Variants in RNF41 observed in about 807,000 individuals in gnomAD.
The protein encoded by RNF41 is E3 ubiquitin-protein ligase NRDP1.
In RNF41, 4 loss-of-function variants were observed where a neutral mutation model predicts 33.0. That is an observed-to-expected ratio of 0.12 (90% CI 0.06 to 0.28). The LOEUF is 0.28. Ranked by LOEUF, RNF41 falls within the 10% of genes least tolerant of loss-of-function variation. The pLI is 1.00. For missense variants in RNF41, 228 were observed against 432.6 expected, an observed-to-expected ratio of 0.53 and a Z score of 4.19; for synonymous variants, 164 against 153.2, an observed-to-expected ratio of 1.07 and a Z score of -0.52.
At chr12:56,208,057 CA>C in intron 5 of RNF41, 105 bp downstream of exon 5, 1 of 1,370,524 alleles carries the variant, frequency 7.3e-7, no homozygotes, top group South Asian at 1.2e-5. Context: ...TCTAGGCTCA[CA>C]AGTGTAAGCA....
Position 56,207,162 on chromosome 12 carries a change from A to C in RNF41, c.603-364T>G. 29 of 1,320,620 alleles carry C rather than the reference A, an allele frequency of 2.2e-5. No individual in the cohort carries two copies. In the South Asian group the frequency reaches 3.5e-4, roughly 16 times the overall value. The allele number at this position is 1,320,620 out of a possible 1,614,324, so 81.8% of individuals were successfully genotyped here. A position where few individuals can be genotyped will look rare whatever the true frequency, so the allele number is the denominator to read the frequency against. ...ATTTGCCCTGTATATATTGATTCACACTTACAGTTTACTCTATGAACTGTA... is the reference window on the plus strand; with the variant it reads ...ATTTGCCCTGTATATATTGATTCACCCTTACAGTTTACTCTATGAACTGTA... On this transcript the variant is annotated intron_variant, in intron 6 of 6. Transcript: ENST00000345093.
Position 56,206,277 on chromosome 12 carries a change from G to C in RNF41, c.*170C>G. ...GGGAGGAAATCTGGGTTTCCCACCT[G>C]AAAGGCTGAGCAAACTACCCCAAGG... On this transcript the variant is annotated 3_prime_UTR_variant, in exon 7 of 7. Coordinates refer to ENST00000345093, the MANE Select transcript of RNF41 (RefSeq NM_005785.4). The surrounding 1 kb of genome is among the most constrained non-coding windows in gnomAD (Gnocchi z 5.7). 1.6e-6 allele frequency: 1 copy of C among 640,908 alleles called. No homozygotes were observed. Among genetic ancestry groups the C allele is most frequent in the South Asian group, 2.0e-5 (1 of 49,516 alleles). 39.7% of individuals were successfully genotyped at this position (640,908 alleles called of 1,614,324 possible).
At chr12:56,211,635 A>G (rs796549473) in intron 3 of RNF41, among the ~76,000 whole-genome samples, 2 of 152,236 alleles carry the variant, frequency 1.3e-5, no homozygotes, top group African/African-American at 4.8e-5. Flanking sequence ...TTCAGATGAT[A>G]GATTTAGAGA....
At chr12:56,211,041 C>A (rs1461754832) in intron 3 of RNF41, among the ~76,000 whole-genome samples, 1 of 152,096 alleles carries the variant, frequency 6.6e-6, no homozygotes, top group Non-Finnish European at 1.5e-5. Flanking sequence ...AAAAATTAGC[C>A]AGGGGTGGTG....
At position 56,206,531 on chromosome 12, in the gene RNF41, G is replaced by A. The variant is rs1351518933; in HGVS notation, c.870C>T (p.Ala290=). 6.2e-7 allele frequency: 1 copy of A among 1,614,186 alleles called. No individual in the cohort carries two copies. Among genetic ancestry groups the A allele is most frequent in the African/African-American group, 1.3e-5 (1 of 75,038 alleles). Residue 290 remains alanine, a synonymous_variant, in exon 7 of 7, where the codon GCC becomes GCT. Coordinates refer to ENST00000345093, the MANE Select transcript of RNF41 (RefSeq NM_005785.4). The surrounding 1 kb of genome is among the most constrained non-coding windows in gnomAD (Gnocchi z 5.7). The stretch of plus-strand genomic sequence containing the variant: ...CATCCCCCATGTGCTGGTTCTCACA[G>A]GCCATCACGACAACAGCCTGCTTGC... ...IPGKQAVVVM[A]CENQHMGDDM...
At chr12:56,220,460 G>A (rs1869295616) in intron 1 of RNF41, among the ~76,000 whole-genome samples, 1 of 150,226 alleles carries the variant, frequency 6.7e-6, no homozygotes, top group Admixed American at 6.7e-5. Flanking sequence ...CAGGCAATCC[G>A]CCCGCCTCGT....
chr12:56,212,600 CACT>C (rs1234789587), intron 3 of RNF41, among the ~76,000 whole-genome samples: 1 of 151,904 alleles, frequency 6.6e-6, no homozygotes, highest in Admixed American at 6.6e-5. Context: ...GACCTCTTGA[CACT>C]ACTACTTGAT....
In RNF41 at chr12:56,203,781, C is replaced by G. The variant is rs1878708111; in HGVS notation, c.*2666G>C. ...AATGCAGTGGCCCAATCTCTGCTCA[C>G]TGCAAGCTCTGCCTCCCGGGTTCAC... On this transcript the variant is annotated 3_prime_UTR_variant, in exon 7 of 7. Coordinates refer to ENST00000345093, the MANE Select transcript of RNF41 (RefSeq NM_005785.4). 1 of 147,112 alleles carries G rather than the reference C, an allele frequency of 6.8e-6. No individual in the cohort carries two copies. 9.1% of individuals were successfully genotyped at this position (147,112 alleles called of 1,614,324 possible).
At chr12:56,215,780 G>A (rs1412204029) in intron 2 of RNF41, among the ~76,000 whole-genome samples, 3 of 150,104 alleles carry the variant, frequency 2.0e-5, no homozygotes, top group East Asian at 2.0e-4. Flanking sequence ...CGGCAATGGC[G>A]CCATGCCCCT....
chr12:56,210,244 G>A (rs1868379408), intron 4 of RNF41, 53 bp downstream of exon 4: 2 of 1,585,028 alleles, frequency 1.3e-6, no homozygotes, highest in South Asian at 2.2e-5. Flanking sequence ...CAGAGACAGG[G>A]GCATAAATGA....
chr12:56,211,840 CG>C (rs1336767378), intron 3 of RNF41, among the ~76,000 whole-genome samples: 3 of 152,022 alleles, frequency 2.0e-5, no homozygotes, highest in Admixed American at 1.3e-4. Flanking sequence ...GGCGTGGTGG[CG>C]GGTGCCTGTA....
At chr12:56,210,676 G>C (rs1366270510) in intron 3 of RNF41, 108 bp from the exon 4 acceptor site, 1 of 1,085,522 alleles carries the variant, frequency 9.2e-7, no homozygotes, top group Admixed American at 2.1e-5. Context: ...CAGCCTCTAC[G>C]ACAAGAGGTC....
Position 56,207,111 on chromosome 12 carries a change from C to G in RNF41, c.603-313G>C, listed in dbSNP as rs150010375. The G allele has an allele frequency of 3.0e-5, 39 of 1,315,808 alleles. No homozygotes were observed. The East Asian group carries it at 1.4e-3, about 47-fold the overall frequency. 81.5% of individuals were successfully genotyped at this position (1,315,808 alleles called of 1,614,324 possible). A position where few individuals can be genotyped will look rare whatever the true frequency, so the allele number is the denominator to read the frequency against. ...TGTTTAGTGAATAAAACAATTATTC[C>G]TCTATCCTATGTCCCACTCAGCACT... On this transcript the variant is annotated intron_variant, in intron 6 of 6. Transcript: ENST00000345093.
chr12:56,207,108 T>A (rs1430662378), intron 6 of RNF41: 1 of 1,309,826 alleles, frequency 7.6e-7, no homozygotes, highest in African/African-American at 1.5e-5. Context: ...AAAACAATTA[T>A]TCCTCTATCC....
intron 1 of RNF41, among the ~76,000 whole-genome samples, chr12:56,218,294 C>T (rs993826034): frequency 1.3e-5 from 2 of 151,966 alleles, no homozygotes; most frequent in African/African-American, 4.8e-5. Context: ...GGGTCTTGCT[C>T]TATTGCCCAG....
In RNF41 at chr12:56,214,028, C is replaced by T. The variant is rs1439483624; in HGVS notation, c.20G>A (p.Arg7His). MGYDVT[R>H]FQGDVDEDLI... ...ATCTTCGTCAACATCCCCCTGGAAA[C>T]GGGTTACATCATACCCCATGTCTCA... The change falls in exon 3 of 7, where the codon CGT (arginine) becomes CAT (histidine). Residue 7 changes from arginine (R) to histidine (H), a missense_variant. Arg to His is a conservative substitution (Grantham distance 29, BLOSUM62 0). Around this residue, in one of 2 missense-constraint regions of RNF41, gnomAD observed 29 missense variants for 98.0 expected, o/e 0.30. Transcript: ENST00000345093. 6.2e-7 allele frequency: 1 copy of T among 1,613,644 alleles called. No homozygotes were observed. Among genetic ancestry groups the T allele is most frequent in the Non-Finnish European group, 8.5e-7 (1 of 1,179,604 alleles).
At chr12:56,216,013 T>C (rs547378116) in intron 2 of RNF41, among the ~76,000 whole-genome samples, 2 of 151,984 alleles carry the variant, frequency 1.3e-5, no homozygotes, top group Admixed American at 1.3e-4. Flanking sequence ...TCCTAGCTAC[T>C]TGGGAGGGTG....
Position 56,208,233 on chromosome 12 carries a change from T to C in RNF41, c.428A>G (p.Gln143Arg). 6.2e-7 allele frequency: 1 copy of C among 1,614,250 alleles called. No homozygotes were observed. The highest frequency in any genetic ancestry group is 8.5e-7 in the Non-Finnish European group (1 of 1,180,040). The part of the protein sequence containing the change: ...NCIKHLRSVV[Q>R]QQQTRIAELE... ...CTCTGCGATGCGTGTCTGCTGCTGC[T>C]GTACCACTGAGCGCAGGTGCTTAAT... Residue 143 changes from glutamine (Q) to arginine (R), a missense_variant, in exon 5 of 7, where the codon CAG becomes CGG. Transcript: ENST00000345093.
rs1680480801 is a variant in RNF41 at position 56,208,159 on chromosome 12, C to T, written c.498+4G>A. On this transcript the variant is annotated splice_donor_region_variant and intron_variant, in intron 5 of 6. Coordinates refer to ENST00000345093, the MANE Select transcript of RNF41 (RefSeq NM_005785.4). ...TATGTTCTCCCCCGTGTCTTGGGGC[C>T]TACCTGCTCCGCCAGCTGGTGTTTG... The T allele has an allele frequency of 4.3e-6, 7 of 1,614,196 alleles. No homozygotes were observed. Among genetic ancestry groups the T allele is most frequent in the Non-Finnish European group, 5.9e-6 (7 of 1,180,032 alleles).
Sources: allele counts gnomAD v4.1 joint callset (sites outside exome capture counted in the v4.1 genomes callset), GRCh38; gene constraint gnomAD v4.1.1; regional missense constraint gnomAD v4.1.1; non-coding constraint Gnocchi (gnomAD v3.1); transcripts MANE v1.5; gene names NCBI Gene and HGNC (gene_info 2026-07-23, HGNC 2026-07-21).